Variants in PEBP4 observed in about 807,000 individuals in gnomAD.
PEBP4 encodes phosphatidylethanolamine-binding protein 4.
In PEBP4, 22 loss-of-function variants were observed where a neutral mutation model predicts 23.9. The observed-to-expected ratio is 0.92, with a 90% CI of 0.66 to 1.31. The LOEUF (loss-of-function observed/expected upper bound fraction) is 1.31, where lower values mean the gene tolerates loss of function less well. PEBP4 is among the 40% of genes most tolerant of loss of function. The pLI is 0.00. For missense variants in PEBP4, 324 were observed against 281.7 expected, an observed-to-expected ratio of 1.15 and a Z score of -1.07; for synonymous variants, 112 against 99.3, an observed-to-expected ratio of 1.13 and a Z score of -0.76.
intron 4 of PEBP4, among the ~76,000 whole-genome samples, chr8:22,774,292 C>T (rs1805773211): frequency 6.6e-6 from 1 of 152,224 alleles, no homozygotes; most frequent in African/African-American, 2.4e-5. Flanking sequence ...TCTCACTCAT[C>T]TCCCCATTCA....
At chr8:22,849,599 G>T (rs1807510132) in intron 3 of PEBP4, among the ~76,000 whole-genome samples, 1 of 152,196 alleles carries the variant, frequency 6.6e-6, no homozygotes, top group African/African-American at 2.4e-5. Flanking sequence ...TCCTGGCTCT[G>T]CTGGCAATGC....
At chr8:22,932,438 T>TA (rs1458449070), upstream of PEBP4, among the ~76,000 whole-genome samples, 6 of 152,048 alleles carry the variant, frequency 3.9e-5, no homozygotes, top group South Asian at 2.1e-4. Context: ...TAAAGCTGTT[T>TA]AAAAAAAGTC....
At chr8:22,914,469 C>T (rs921875092) in intron 3 of PEBP4, among the ~76,000 whole-genome samples, 5 of 152,088 alleles carry the variant, frequency 3.3e-5, no homozygotes, top group Non-Finnish European at 5.9e-5. Flanking sequence ...CCTGGCAAAG[C>T]GGTGGTGTGA....
chr8:22,821,790 C>T (rs1030928480), intron 3 of PEBP4, among the ~76,000 whole-genome samples: 5 of 151,900 alleles, frequency 3.3e-5, no homozygotes, highest in African/African-American at 9.7e-5. Context: ...TTGAGACCAT[C>T]CTGGCTAACA....
intron 3 of PEBP4, among the ~76,000 whole-genome samples, chr8:22,899,592 G>A (rs939848133): frequency 2.6e-5 from 4 of 152,162 alleles, no homozygotes; most frequent in Admixed American, 2.0e-4. Context: ...TTACCATGGC[G>A]TCTGCTGAGC....
intron 3 of PEBP4, chr8:22,885,645 G>A (rs1206971503): frequency 6.6e-6 from 1 of 152,258 alleles, no homozygotes; most frequent in Non-Finnish European, 1.5e-5. Context: ...ACAAGAGACA[G>A]TCTGTGGACA....
chr8:22,884,418 G>A (rs1050697984), intron 3 of PEBP4: 1 of 152,224 alleles, frequency 6.6e-6, no homozygotes, highest in Admixed American at 6.5e-5. Flanking sequence ...CTTTGCTGCT[G>A]AGCCTATTAG....
Position 22,719,513 on chromosome 8 carries a change from G to T in PEBP4, c.517+5330C>A, listed in dbSNP as rs141603114. On this transcript the variant is annotated intron_variant, in intron 6 of 6. Transcript: ENST00000256404. ...GGACCATTCTGGGCAGCTGCTGCTG[G>T]CCAAGGAGGCCTGGGACAGCAGGAT... Among the ~76,000 whole-genome samples, 1,222 of 152,176 alleles carry T rather than the reference G, an allele frequency of 8.0e-3. 15 individuals carry two copies. Among genetic ancestry groups the T allele is most frequent in the African/African-American group, 0.028 (1,162 of 41,502 alleles).
intron 3 of PEBP4, chr8:22,896,173 G>A (rs1426081187): frequency 6.6e-6 from 1 of 152,294 alleles, no homozygotes. Flanking sequence ...AGTCTGGGAG[G>A]AGAGACAGGG....
rs566764663 is a variant in PEBP4, at chr8:22,809,885, G to C, written c.357+7752C>G. Among the ~76,000 whole-genome samples the C allele has an allele frequency of 9.2e-4, 140 of 152,342 alleles. 1 individual carries two copies. Among genetic ancestry groups the C allele is most frequent in the African/African-American group, 3.3e-3 (137 of 41,582 alleles). The stretch of plus-strand genomic sequence containing the variant: ...TGGAGACACTGTGGGAGATGCCAAG[G>C]GGCACACCTTACAGGTCACCTGCAC... On this transcript the variant is annotated intron_variant, in intron 4 of 6. Transcript: ENST00000256404.
intron 3 of PEBP4, among the ~76,000 whole-genome samples, chr8:22,845,416 T>A (rs1341663184): frequency 6.6e-6 from 1 of 150,424 alleles, no homozygotes; most frequent in Non-Finnish European, 1.5e-5. Context: ...GTGCCTATAG[T>A]CCTAGCTACT....
intron 2 of PEBP4, among the ~76,000 whole-genome samples, chr8:22,926,939 G>A (rs1248057522): frequency 6.6e-6 from 1 of 152,124 alleles, no homozygotes; most frequent in African/African-American, 2.4e-5. Flanking sequence ...GAGTCCTCAG[G>A]ATGACCCACA....
chr8:22,913,667 G>A (rs1010950535), intron 3 of PEBP4, among the ~76,000 whole-genome samples: 1 of 152,182 alleles, frequency 6.6e-6, no homozygotes, highest in African/African-American at 2.4e-5. Flanking sequence ...TGGCTCCAAA[G>A]GAGCTGGACA....
At chr8:22,829,215 C>G (rs1337368546) in intron 3 of PEBP4, among the ~76,000 whole-genome samples, 1 of 152,156 alleles carries the variant, frequency 6.6e-6, no homozygotes, top group African/African-American at 2.4e-5. Context: ...CCTTTACTTC[C>G]ATGTGTGACC....
intron 3 of PEBP4, among the ~76,000 whole-genome samples, chr8:22,873,952 TACC>T (rs1167045748): frequency 2.6e-5 from 4 of 152,184 alleles, no homozygotes; most frequent in South Asian, 2.1e-4. Context: ...GCTGGCTGGT[TACC>T]ACATTTGTCC....
intron 4 of PEBP4, among the ~76,000 whole-genome samples, chr8:22,747,284 G>A (rs1378334891): frequency 3.3e-5 from 5 of 152,224 alleles, no homozygotes; most frequent in African/African-American, 1.2e-4. Context: ...GGAAGTCCCT[G>A]GGGGTGCCCC....
At position 22,722,888 on chromosome 8, in the gene PEBP4, T is replaced by C. The variant is rs1374748511; in HGVS notation, c.517+1955A>G. Among the ~76,000 whole-genome samples the C allele has an allele frequency of 4.0e-5, 6 of 151,824 alleles. No individual in the cohort carries two copies. The South Asian group carries it at 1.3e-3, about 32-fold the overall frequency. On this transcript the variant is annotated intron_variant, in intron 6 of 6. Transcript: ENST00000256404. ...CCCAGGTTCATGCTGTTCTCCTGCC[T>C]CAGCCTCCGGAGTAGCTGGGACTAT... is the stretch of plus-strand genomic sequence containing the variant.
At chr8:22,724,184 T>C (rs1804577120) in intron 6 of PEBP4, among the ~76,000 whole-genome samples, 1 of 152,008 alleles carries the variant, frequency 6.6e-6, no homozygotes, top group African/African-American at 2.4e-5. Flanking sequence ...TCACACTGGG[T>C]CAGGTGAGAC....
rs754855160 is a variant in PEBP4, at chr8:22,927,648, C to T, written c.67G>A (p.Asp23Asn). 6 of 1,613,922 alleles carry T rather than the reference C, an allele frequency of 3.7e-6. No individual in the cohort carries two copies. The highest frequency in any genetic ancestry group is 1.3e-5 in the African/African-American group (1 of 74,942). Residue 23 changes from aspartate (D) to asparagine (N), a missense_variant, in exon 2 of 7, where the codon GAC becomes AAC. Asp to Asn is a conservative substitution (Grantham distance 23). Transcript: ENST00000256404. The stretch of plus-strand genomic sequence containing the variant: ...GCACACGGGCTGTTCTCATCCTCGT[C>T]TCCAGTGACCACCATCATGAGACCC... ...LLGLMMVVTG[D>N]EDENSPCAHE...
Sources: gnomAD v4.1 joint callset for allele counts (sites outside exome capture counted in the v4.1 genomes callset) on GRCh38, gnomAD v4.1.1 for gene constraint, MANE v1.5 for transcripts, NCBI Gene and HGNC (gene_info 2026-07-23, HGNC 2026-07-21) for gene names.